The following CTNND2 variants were observed in gnomAD, a reference collection of about 807,000 sequenced individuals.
CTNND2 encodes the protein catenin delta-2.
A neutral mutation model predicts 144.4 loss-of-function variants in CTNND2; 22 were observed. The ratio of observed to expected loss-of-function variants is 0.15; its 90% CI spans 0.11 to 0.22. The LOEUF is 0.22. CTNND2 is among the 10% of genes least tolerant of loss of function. CTNND2 has a pLI of 1.00. For missense variants in CTNND2, 1,353 were observed against 1,618.8 expected (o/e 0.84, Z 2.82); for synonymous variants, 751 against 695.6 (o/e 1.08, Z -1.25).
At chr5:11,882,044 G>T (rs1481046221) in intron 1 of CTNND2, among the ~76,000 whole-genome samples, 3 of 151,496 alleles carry the variant, frequency 2.0e-5, no homozygotes, top group African/African-American at 4.8e-5. Flanking sequence ...TTGATTATTT[G>T]CCCATTTTTA....
At chr5:11,165,893 G>A (rs1324839560) in intron 11 of CTNND2, among the ~76,000 whole-genome samples, 1 of 152,074 alleles carries the variant, frequency 6.6e-6, no homozygotes, top group Non-Finnish European at 1.5e-5. Context: ...AACCCCAGAT[G>A]AACAAAAAGA....
chr5:11,236,201 T>C (rs1428045616), intron 10 of CTNND2, among the ~76,000 whole-genome samples: 1 of 152,238 alleles, frequency 6.6e-6, no homozygotes, highest in Non-Finnish European at 1.5e-5. Context: ...CGTTTGTAAA[T>C]AGCACCAAAC....
chr5:11,023,038 G>T, intron 16 of CTNND2, 59 bp from the exon 17 acceptor site: 1 of 1,479,400 alleles, frequency 6.8e-7, no homozygotes, highest in Non-Finnish European at 9.4e-7. Flanking sequence ...CAGAGATAGT[G>T]GCAGAGGTGG....
chr5:11,176,353 AT>A (rs5865928), intron 11 of CTNND2, among the ~76,000 whole-genome samples: 137,857 of 151,998 alleles, frequency 0.91, 62,620 homozygotes, highest in South Asian at 0.94. Flanking sequence ...AGCTTTGACG[AT>A]TTATAAACAC....
At chr5:11,776,427 A>C (rs894476786) in intron 1 of CTNND2, among the ~76,000 whole-genome samples, 7 of 152,202 alleles carry the variant, frequency 4.6e-5, no homozygotes, top group African/African-American at 1.7e-4. Context: ...TACTGTGAGC[A>C]CTAGTGTTTG....
At chr5:11,643,870 AC>A (rs1186880293) in intron 2 of CTNND2, among the ~76,000 whole-genome samples, 1 of 152,182 alleles carries the variant, frequency 6.6e-6, no homozygotes, top group Non-Finnish European at 1.5e-5. Context: ...ATGAAGTAAA[AC>A]GAAAGAATTT....
intron 11 of CTNND2, among the ~76,000 whole-genome samples, chr5:11,167,537 A>G (rs1713061196): frequency 6.6e-6 from 1 of 152,154 alleles, no homozygotes; most frequent in South Asian, 2.1e-4. Flanking sequence ...CAATTTTGTT[A>G]TAAGATACAG....
intron 18 of CTNND2, among the ~76,000 whole-genome samples, chr5:11,009,126 C>T (rs563193069): frequency 2.0e-5 from 3 of 152,156 alleles, no homozygotes; most frequent in Admixed American, 6.5e-5. Flanking sequence ...TAGTCTGAGG[C>T]TGATTGAGAA....
intron 2 of CTNND2, among the ~76,000 whole-genome samples, chr5:11,598,608 T>G (rs1779636323): frequency 6.6e-6 from 1 of 152,178 alleles, no homozygotes; most frequent in Admixed American, 6.6e-5. Context: ...TGAGAGGGTT[T>G]ACAAGTTGAG....
At chr5:11,788,698 C>CT in intron 1 of CTNND2, among the ~76,000 whole-genome samples, 1 of 152,078 alleles carries the variant, frequency 6.6e-6, no homozygotes, top group African/African-American at 2.4e-5. Context: ...ATTTATTATA[C>CT]TTTAAGTTCT....
intron 1 of CTNND2, among the ~76,000 whole-genome samples, chr5:11,824,191 C>T (rs1424697746): frequency 6.6e-6 from 1 of 151,932 alleles, no homozygotes. Flanking sequence ...TGCCATGTCC[C>T]TCAGTATCCA....
chr5:11,562,942 T>A (rs1218756357), intron 3 of CTNND2, among the ~76,000 whole-genome samples: 5 of 152,236 alleles, frequency 3.3e-5, no homozygotes, highest in Non-Finnish European at 7.3e-5. Context: ...CAGGGCCATA[T>A]GGCTTCTCTG....
chr5:11,894,845 C>T (rs1023123052), intron 1 of CTNND2, among the ~76,000 whole-genome samples: 1 of 152,156 alleles, frequency 6.6e-6, no homozygotes, highest in African/African-American at 2.4e-5. Context: ...AAAACCAACC[C>T]AAAGCAAGCA....
At chr5:11,514,776 C>A (rs1003869905) in intron 3 of CTNND2, among the ~76,000 whole-genome samples, 3 of 152,154 alleles carry the variant, frequency 2.0e-5, no homozygotes, top group African/African-American at 7.2e-5. Context: ...CATGTGCATG[C>A]ACCCCATTCC....
chr5:11,429,120 T>C (rs538202121), intron 3 of CTNND2, among the ~76,000 whole-genome samples: 2 of 152,298 alleles, frequency 1.3e-5, no homozygotes, highest in East Asian at 3.9e-4. Flanking sequence ...GGCGTTCACA[T>C]ATAAAAGGAA....
In CTNND2 at chr5:11,903,804, C is replaced by A. The variant is rs927770170; in HGVS notation, c.37+13G>T. 4 of 1,480,826 alleles carry A rather than the reference C, an allele frequency of 2.7e-6. No individual in the cohort carries two copies. Among genetic ancestry groups the A allele is most frequent in the Middle Eastern group, 2.2e-4 (1 of 4,648 alleles). The allele number at this position is 1,480,826 out of a possible 1,614,324, so 91.7% of individuals were successfully genotyped here. A position where few individuals can be genotyped will look rare whatever the true frequency, so the allele number is the denominator to read the frequency against. On this transcript the variant is annotated intron_variant, in intron 1 of 21. Transcript: ENST00000304623. This position sits in a 1 kb window ranked among gnomAD's most constrained non-coding sequence, Gnocchi z 5.4. ...GCTGCGCCCGGCCCCGGCCGCCCAGCCCCGCAACTCACCCAAAGGCGCGGC... is the reference window on the plus strand; with the variant it reads ...GCTGCGCCCGGCCCCGGCCGCCCAGACCCGCAACTCACCCAAAGGCGCGGC...
rs116771268 is a variant in CTNND2, at chr5:11,661,679, G to A, written c.174+70457C>T. 5.3e-3 allele frequency among the ~76,000 whole-genome samples: 806 copies of A among 152,082 alleles called. 3 individuals are homozygous for A. Among genetic ancestry groups the A allele is most frequent in the African/African-American group, 0.019 (776 of 41,472 alleles). On this transcript the variant is annotated intron_variant, in intron 2 of 21. Coordinates refer to ENST00000304623, the MANE Select transcript of CTNND2 (RefSeq NM_001332.4). Reference sequence around the variant, plus strand: ...CTTTTGTAACAACTGCTTTATTTGGGTTTAGCTAGAAAAAGAAATAAGCAA... The same window carrying A: ...CTTTTGTAACAACTGCTTTATTTGGATTTAGCTAGAAAAAGAAATAAGCAA...
intron 10 of CTNND2, among the ~76,000 whole-genome samples, chr5:11,225,630 GATATTA>G (rs1454176082): frequency 6.6e-6 from 1 of 152,076 alleles, no homozygotes; most frequent in African/African-American, 2.4e-5. Context: ...CTTCTCCTCT[GATATTA>G]ATAATAAGGC....
intron 15 of CTNND2, among the ~76,000 whole-genome samples, chr5:11,097,477 A>G (rs1751468454): frequency 6.6e-6 from 1 of 152,202 alleles, no homozygotes. Context: ...GGCAGCGGCT[A>G]GCTCTGTAGG....
Sources: gnomAD v4.1 joint callset for allele counts (sites outside exome capture counted in the v4.1 genomes callset) on GRCh38, gnomAD v4.1.1 for gene constraint, Gnocchi (gnomAD v3.1) non-coding constraint, MANE v1.5 for transcripts, NCBI Gene and HGNC (gene_info 2026-07-23, HGNC 2026-07-21) for gene names.